Variants in DPYS observed in about 807,000 individuals in gnomAD.
DPYS encodes the protein dihydropyrimidinase.
DPYS carries 39 observed loss-of-function variants against 50.3 expected under a neutral mutation model. The ratio of observed to expected loss-of-function variants is 0.78; its 90% confidence interval spans 0.60 to 1.01. DPYS has a LOEUF of 1.01. Among genes scored for constraint, DPYS ranks in the 50% least tolerant of loss-of-function variants. The pLI is 0.00. For missense variants in DPYS, 659 were observed against 680.9 expected (o/e 0.97, Z 0.36); for synonymous variants, 245 against 250.7 (o/e 0.98, Z 0.22).
intron 6 of DPYS, among the ~76,000 whole-genome samples, chr8:104,425,730 T>C (rs1337033410): frequency 6.6e-6 from 1 of 152,178 alleles, no homozygotes; most frequent in Admixed American, 6.5e-5. Flanking sequence ...GAGATTTTAA[T>C]GTGGACAGAA....
intron 7 of DPYS, among the ~76,000 whole-genome samples, chr8:104,394,979 T>A (rs1811530597): frequency 6.6e-6 from 1 of 151,596 alleles, no homozygotes; most frequent in South Asian, 2.1e-4. Context: ...TTGATGAAAC[T>A]AAGATTTTTT....
chr8:104,450,692 G>C (rs1813707793), intron 2 of DPYS, among the ~76,000 whole-genome samples: 1 of 152,202 alleles, frequency 6.6e-6, no homozygotes, highest in African/African-American at 2.4e-5. Flanking sequence ...AACATTAGCA[G>C]AGTAGGAAGA....
intron 7 of DPYS, among the ~76,000 whole-genome samples, chr8:104,396,427 A>G (rs1360076992): frequency 6.6e-6 from 1 of 152,234 alleles, no homozygotes; most frequent in Non-Finnish European, 1.5e-5. Context: ...CAGAAGAAAT[A>G]ATCTTTATAC....
At chr8:104,451,191 G>C in intron 2 of DPYS, 55 bp downstream of exon 2, 1 of 1,610,232 alleles carries the variant, frequency 6.2e-7, no homozygotes. Flanking sequence ...TCTTGCTCTT[G>C]TGCAGAGTGA....
At chr8:104,388,218 G>A (rs1255699157) in intron 8 of DPYS, among the ~76,000 whole-genome samples, 1 of 152,076 alleles carries the variant, frequency 6.6e-6, no homozygotes, top group African/African-American at 2.4e-5. Flanking sequence ...TATCTACAAG[G>A]CAAATTATGC....
chr8:104,443,216 A>G (rs571370816), intron 4 of DPYS, among the ~76,000 whole-genome samples: 1 of 152,206 alleles, frequency 6.6e-6, no homozygotes. Flanking sequence ...CACCTTATTT[A>G]TTTTTCCTCC....
intron 7 of DPYS, among the ~76,000 whole-genome samples, chr8:104,405,491 A>G (rs1811965483): frequency 6.6e-6 from 1 of 152,218 alleles, no homozygotes; most frequent in African/African-American, 2.4e-5. Context: ...GAACTTGGTG[A>G]CAGCTAATCA....
chr8:104,398,483 G>C (rs1811663018), intron 7 of DPYS, among the ~76,000 whole-genome samples: 1 of 152,228 alleles, frequency 6.6e-6, no homozygotes, highest in East Asian at 1.9e-4. Flanking sequence ...AGTATCCTTT[G>C]ATACATTCCC....
chr8:104,402,687 C>T (rs1210222235), intron 7 of DPYS, among the ~76,000 whole-genome samples: 1 of 152,174 alleles, frequency 6.6e-6, no homozygotes, highest in Non-Finnish European at 1.5e-5. Context: ...ACACAACATC[C>T]TTCCCGAAAG....
intron 8 of DPYS, among the ~76,000 whole-genome samples, chr8:104,389,270 T>G (rs1260052591): frequency 6.6e-6 from 1 of 152,236 alleles, no homozygotes; most frequent in African/African-American, 2.4e-5. Context: ...CAAAGAAATC[T>G]GAATATTTGA....
At chr8:104,461,234 C>T (rs965292925) in intron 1 of DPYS, among the ~76,000 whole-genome samples, 5 of 150,178 alleles carry the variant, frequency 3.3e-5, no homozygotes, top group African/African-American at 9.8e-5. Flanking sequence ...ATGAGGCTGC[C>T]GTGAGCTGGA....
intron 2 of DPYS, among the ~76,000 whole-genome samples, chr8:104,450,966 T>C (rs761445124): frequency 2.0e-5 from 3 of 152,218 alleles, no homozygotes; most frequent in South Asian, 2.1e-4. Flanking sequence ...ACTTAAAGCA[T>C]TGATGATTCA....
At position 104,392,990 on chromosome 8, in the gene DPYS, T is replaced by G. The variant is rs1221546906; in HGVS notation, c.1237A>C (p.Thr413Pro). The G allele has an allele frequency of 1.2e-6, 2 of 1,614,084 alleles. No individual in the cohort carries two copies. The highest frequency in any genetic ancestry group is 1.7e-6 in the Non-Finnish European group (2 of 1,179,948). Residue 413 changes from threonine to proline, a missense_variant and splice_region_variant, in exon 8 of 10, where the codon ACT becomes CCT. Transcript: ENST00000351513. The stretch of plus-strand genomic sequence containing the variant: ...TGATGATGAGTTTTTGCTGAGATAG[T>G]CCTATATTTGTGAAAACAACAAAAA... The part of the protein sequence containing the change: ...IVIWDPKGTR[T>P]ISAKTHHQAV...
intron 1 of DPYS, among the ~76,000 whole-genome samples, chr8:104,464,214 A>G (rs952458593): frequency 4.6e-5 from 7 of 152,212 alleles, no homozygotes; most frequent in African/African-American, 1.7e-4. Context: ...ATCCTTTGAG[A>G]TGTTGACAAC....
At chr8:104,404,705 A>G (rs1811935916) in intron 7 of DPYS, among the ~76,000 whole-genome samples, 1 of 152,282 alleles carries the variant, frequency 6.6e-6, no homozygotes, top group African/African-American at 2.4e-5. Flanking sequence ...AGGTTGGCAA[A>G]CCATGGCCCG....
intron 4 of DPYS, among the ~76,000 whole-genome samples, chr8:104,434,267 G>A (rs1813053296): frequency 6.6e-6 from 1 of 152,216 alleles, no homozygotes; most frequent in Non-Finnish European, 1.5e-5. Context: ...TTATCATGCA[G>A]ATGAAGCCTC....
intron 4 of DPYS, 50 bp downstream of exon 4, chr8:104,444,198 T>C: frequency 6.2e-7 from 1 of 1,606,546 alleles, no homozygotes; most frequent in Non-Finnish European, 8.5e-7. Flanking sequence ...ACGTGGACTT[T>C]TCTCTTCAGC....
intron 1 of DPYS, among the ~76,000 whole-genome samples, chr8:104,465,763 C>T (rs1463256550): frequency 6.6e-6 from 1 of 152,172 alleles, no homozygotes; most frequent in African/African-American, 2.4e-5. Context: ...GGGCTGCATG[C>T]GGCCTACAGG....
At chr8:104,392,742 G>C in intron 8 of DPYS, 42 bp downstream of exon 8, 2 of 1,609,312 alleles carry the variant, frequency 1.2e-6, no homozygotes, top group Non-Finnish European at 1.7e-6. Context: ...AGAAGCAGGA[G>C]ACAGTCCGAC....
Sources: gnomAD v4.1 joint callset for allele counts (sites outside exome capture counted in the v4.1 genomes callset) on GRCh38, gnomAD v4.1.1 for gene constraint, MANE v1.5 for transcripts, NCBI Gene and HGNC (gene_info 2026-07-23, HGNC 2026-07-21) for gene names.